DSCAML1: variants seen among roughly 807,000 people sequenced by gnomAD.
DSCAML1 encodes the protein DS cell adhesion molecule like 1.
In DSCAML1, 38 loss-of-function variants were observed where a neutral mutation model predicts 200.5. The observed-to-expected ratio is 0.19, with a 90% CI of 0.15 to 0.25. The LOEUF is 0.25. Among genes scored for constraint, DSCAML1 ranks in the 10% least tolerant of loss-of-function variants. The pLI, the probability that DSCAML1 is intolerant of heterozygous loss-of-function variation, is 1.00. For synonymous variants in DSCAML1, 1,215 were observed against 1,165.0 expected, an observed-to-expected ratio of 1.04 and a Z score of -0.87; for missense variants, 2,223 against 2,858.8, an observed-to-expected ratio of 0.78 and a Z score of 5.07.
In DSCAML1 at chr11:117,430,804, G is replaced by A. The variant is rs754570097; in HGVS notation, c.5604C>T (p.Arg1868=). 6.2e-7 allele frequency: 1 copy of A among 1,614,180 alleles called. No homozygotes were observed. The highest frequency in any genetic ancestry group is 1.3e-5 in the African/African-American group (1 of 75,060). Residue 1868 remains arginine, a synonymous_variant, in exon 32 of 33, where the codon CGC becomes CGT. Coordinates refer to ENST00000651296, the MANE Select transcript of DSCAML1 (RefSeq NM_020693.4). ...GGGGCTTGGGTGGTGAGGCGGTAAAGCGGCAGATGCCAGGCTCTGAGGGTG... is the reference window on the plus strand; with the variant it reads ...GGGGCTTGGGTGGTGAGGCGGTAAAACGGCAGATGCCAGGCTCTGAGGGTG... ...MSTPSEPGIC[R]FTASPPKPQD...
rs79520990 is a variant in DSCAML1, at chr11:117,703,785, G to A, written c.511+73006C>T. On this transcript the variant is annotated intron_variant, in intron 3 of 32. Coordinates refer to ENST00000651296, the MANE Select transcript of DSCAML1 (RefSeq NM_020693.4). ...CCAAAATGTCTATCTCTAGAGCCTG[G>A]ACCAGAACCTGATACCTAGAGGTGG... 3.3e-4 allele frequency among the ~76,000 whole-genome samples: 50 copies of A among 152,302 alleles called. No individual in the cohort carries two copies. In the East Asian group the frequency reaches 9.5e-3, roughly 29 times the overall value.
intron 3 of DSCAML1, among the ~76,000 whole-genome samples, chr11:117,635,471 T>C (rs1002538747): frequency 5.3e-4 from 81 of 151,444 alleles, no homozygotes; most frequent in African/African-American, 1.8e-3. Context: ...TGTGTGTGTG[T>C]GTGCGTGTGT....
At chr11:117,797,970 G>A (rs2055614900), upstream of DSCAML1, among the ~76,000 whole-genome samples, 1 of 152,172 alleles carries the variant, frequency 6.6e-6, no homozygotes, top group Non-Finnish European at 1.5e-5. Context: ...TGGAGTGAGG[G>A]CGTCTTCTCA....
intron 3 of DSCAML1, among the ~76,000 whole-genome samples, chr11:117,560,865 G>A (rs1189276570): frequency 6.6e-6 from 1 of 152,072 alleles, no homozygotes; most frequent in Non-Finnish European, 1.5e-5. Flanking sequence ...TCATTGTATT[G>A]CATAATTAAT....
At chr11:117,545,491 C>G (rs1591247797) in intron 3 of DSCAML1, among the ~76,000 whole-genome samples, 1 of 152,168 alleles carries the variant, frequency 6.6e-6, no homozygotes, top group East Asian at 1.9e-4. Flanking sequence ...TCTGGACATG[C>G]TCTTCCCTAG....
intron 3 of DSCAML1, among the ~76,000 whole-genome samples, chr11:117,534,360 GT>G (rs1285881004): frequency 6.6e-6 from 1 of 152,222 alleles, no homozygotes; most frequent in African/African-American, 2.4e-5. Flanking sequence ...ATCAGCCTTC[GT>G]TTGAATATCT....
chr11:117,519,759 G>A (rs952713885), intron 6 of DSCAML1, among the ~76,000 whole-genome samples: 3 of 152,186 alleles, frequency 2.0e-5, no homozygotes, highest in South Asian at 2.1e-4. Flanking sequence ...GTTTGAGGCC[G>A]CAGTGAGCTA....
chr11:117,444,710 A>G (rs1338733124), intron 20 of DSCAML1, among the ~76,000 whole-genome samples: 1 of 152,226 alleles, frequency 6.6e-6, no homozygotes, highest in South Asian at 2.1e-4. Context: ...CCAACAAAAC[A>G]ATATCGGATC....
rs1382178528 is a variant in DSCAML1 at position 117,680,223 on chromosome 11, C to G, written c.511+96568G>C. Among the ~76,000 whole-genome samples, 3 of 152,304 alleles carry G rather than the reference C, an allele frequency of 2.0e-5. No individual in the cohort carries two copies. The East Asian group carries it at 5.8e-4, about 29-fold the overall frequency. ...TTTTTCCATCATGCAAATGGGACCC[C>G]CAACCAGGAAAACCCAAGTGACTTG... On this transcript the variant is annotated intron_variant, in intron 3 of 32. Coordinates refer to ENST00000651296, the MANE Select transcript of DSCAML1 (RefSeq NM_020693.4).
chr11:117,567,918 C>A (rs1369206741), intron 3 of DSCAML1, among the ~76,000 whole-genome samples: 3 of 151,722 alleles, frequency 2.0e-5, no homozygotes, highest in Admixed American at 6.6e-5. Flanking sequence ...GAGACACAAC[C>A]AAAAAAGAGA....
chr11:117,656,687 G>A (rs2052743464), intron 3 of DSCAML1, among the ~76,000 whole-genome samples: 2 of 152,208 alleles, frequency 1.3e-5, no homozygotes, highest in Non-Finnish European at 2.9e-5. Flanking sequence ...TGAGTTAGTA[G>A]GGGTGCTGGG....
intron 3 of DSCAML1, among the ~76,000 whole-genome samples, chr11:117,726,425 A>G (rs966503790): frequency 3.3e-5 from 5 of 152,076 alleles, no homozygotes; most frequent in African/African-American, 1.2e-4. Flanking sequence ...CTTAGGTAAC[A>G]TTTATATTTA....
At chr11:117,430,656 C>G (rs1156530956) in intron 32 of DSCAML1, 66 bp downstream of exon 32, 11 of 1,525,562 alleles carry the variant, frequency 7.2e-6, no homozygotes, top group Non-Finnish European at 8.8e-6. Flanking sequence ...TAGATCTAGC[C>G]AGGGCTCATG....
chr11:117,689,926 T>C (rs1382532630), intron 3 of DSCAML1, among the ~76,000 whole-genome samples: 4 of 151,298 alleles, frequency 2.6e-5, no homozygotes, highest in Non-Finnish European at 4.4e-5. Flanking sequence ...AAATAATGAA[T>C]AGGAGCAGGG....
At chr11:117,787,774 T>C (rs773443258) in intron 1 of DSCAML1, among the ~76,000 whole-genome samples, 31 of 152,176 alleles carry the variant, frequency 2.0e-4, no homozygotes, top group Non-Finnish European at 4.1e-4. Context: ...CCACACAGCT[T>C]TTGCTAATTC....
At chr11:117,733,559 G>C (rs2054262589) in intron 3 of DSCAML1, among the ~76,000 whole-genome samples, 1 of 152,354 alleles carries the variant, frequency 6.6e-6, no homozygotes. Flanking sequence ...TCCTGCAAGA[G>C]AGTGCAGTCA....
At chr11:117,585,702 C>A (rs922392464) in intron 3 of DSCAML1, among the ~76,000 whole-genome samples, 2 of 152,194 alleles carry the variant, frequency 1.3e-5, no homozygotes, top group Non-Finnish European at 2.9e-5. Context: ...TCACTCACTG[C>A]AATGCAGGAT....
chr11:117,528,625 G>A (rs929664218), intron 4 of DSCAML1, among the ~76,000 whole-genome samples: 1 of 152,162 alleles, frequency 6.6e-6, no homozygotes, highest in African/African-American at 2.4e-5. Context: ...AGGTGGTTAG[G>A]GCACCACCAG....
chr11:117,814,965 C>G (rs144144270), intron 1 of DSCAML1, among the ~76,000 whole-genome samples: 1 of 152,200 alleles, frequency 6.6e-6, no homozygotes, highest in African/African-American at 2.4e-5. Context: ...GGGTTTGGCA[C>G]GCACTCGGTT....
Sources: allele counts gnomAD v4.1 joint callset (sites outside exome capture counted in the v4.1 genomes callset), GRCh38; gene constraint gnomAD v4.1.1; transcripts MANE v1.5; gene names NCBI Gene and HGNC (gene_info 2026-07-23, HGNC 2026-07-21).